Variants in ZNF280D observed in about 807,000 individuals in gnomAD.
ZNF280D encodes zinc finger protein 280D.
Under a neutral mutation model 94.7 loss-of-function variants are expected in ZNF280D, and 39 were observed. That is an observed-to-expected ratio of 0.41 (90% CI 0.32 to 0.54). The LOEUF (loss-of-function observed/expected upper bound fraction) is 0.54, where lower values mean the gene tolerates loss of function less well. ZNF280D is among the 20% of genes least tolerant of loss of function. The pLI is 0.22. For synonymous variants in ZNF280D, 398 were observed against 377.6 expected, an observed-to-expected ratio of 1.05 and a Z score of -0.63; for missense variants, 1,090 against 1,149.3, an observed-to-expected ratio of 0.95 and a Z score of 0.75.
At chr15:56,671,886 G>C (rs1411290233) in intron 13 of ZNF280D, among the ~76,000 whole-genome samples, 1 of 151,390 alleles carries the variant, frequency 6.6e-6, no homozygotes, top group Non-Finnish European at 1.5e-5. Context: ...TCACTGCAGA[G>C]ATCATTCACT....
At chr15:56,659,984 G>A (rs1259620010) in intron 16 of ZNF280D, among the ~76,000 whole-genome samples, 5 of 151,968 alleles carry the variant, frequency 3.3e-5, no homozygotes, top group Non-Finnish European at 5.9e-5. Flanking sequence ...GACTCTGTAT[G>A]TGTCACTAGC....
chr15:56,648,019 G>A (rs1351833336), intron 19 of ZNF280D, among the ~76,000 whole-genome samples: 1 of 152,120 alleles, frequency 6.6e-6, no homozygotes, highest in Non-Finnish European at 1.5e-5. Context: ...GAAAATCTGA[G>A]GCCTAAAAAT....
At chr15:56,724,540 GA>G (rs1332499361) in intron 1 of ZNF280D, among the ~76,000 whole-genome samples, 1 of 152,214 alleles carries the variant, frequency 6.6e-6, no homozygotes, top group Admixed American at 6.5e-5. Context: ...TGAAGTGAGG[GA>G]AAACCAAGGC....
intron 1 of ZNF280D, among the ~76,000 whole-genome samples, chr15:56,729,426 T>C (rs1040290727): frequency 1.3e-4 from 20 of 152,206 alleles, no homozygotes; most frequent in African/African-American, 4.3e-4. Context: ...ATATAATTCA[T>C]GATTCTTATT....
At chr15:56,725,922 T>C (rs562916053) in intron 1 of ZNF280D, among the ~76,000 whole-genome samples, 1 of 152,308 alleles carries the variant, frequency 6.6e-6, no homozygotes, top group South Asian at 2.1e-4. Context: ...TACTTTGTCT[T>C]CATCCTGTTA....
chr15:56,640,114 A>G (rs1265598620), intron 20 of ZNF280D, among the ~76,000 whole-genome samples: 1 of 152,156 alleles, frequency 6.6e-6, no homozygotes, highest in Admixed American at 6.5e-5. Context: ...GAAAAATAAC[A>G]TAAGGTACAG....
intron 6 of ZNF280D, among the ~76,000 whole-genome samples, chr15:56,695,475 C>T (rs993653757): frequency 1.3e-5 from 2 of 151,612 alleles, no homozygotes; most frequent in Admixed American, 6.6e-5. Flanking sequence ...CAATTATAAC[C>T]TGTATGTCTA....
chr15:56,649,426 C>T (rs751036058), intron 19 of ZNF280D, among the ~76,000 whole-genome samples: 9 of 152,118 alleles, frequency 5.9e-5, no homozygotes, highest in Non-Finnish European at 1.0e-4. Flanking sequence ...CTTGCAATTA[C>T]ATACCAGGAG....
At chr15:56,719,990 C>A (rs767923376) in intron 1 of ZNF280D, among the ~76,000 whole-genome samples, 4 of 150,006 alleles carry the variant, frequency 2.7e-5, no homozygotes, top group Non-Finnish European at 5.9e-5. Flanking sequence ...TGGCTGCTGA[C>A]TAATCAGGGT....
intron 13 of ZNF280D, among the ~76,000 whole-genome samples, chr15:56,669,900 A>T (rs1470856734): frequency 0.025 from 188 of 7,516 alleles, 31 homozygotes; most frequent in African/African-American, 0.088. Context: ...ATATATATAT[A>T]TAATATATAT....
chr15:56,706,984 G>GT, intron 3 of ZNF280D, 98 bp downstream of exon 3: 2 of 1,217,152 alleles, frequency 1.6e-6, no homozygotes, highest in South Asian at 1.3e-5. Flanking sequence ...AAGCATTTTT[G>GT]TTTTTTAAAA....
At chr15:56,701,947 T>G (rs1334974572) in intron 4 of ZNF280D, among the ~76,000 whole-genome samples, 1 of 151,250 alleles carries the variant, frequency 6.6e-6, no homozygotes, top group Non-Finnish European at 1.5e-5. Context: ...CTCTGTAACT[T>G]CTAGCTTATC....
At chr15:56,639,393 T>G (rs1193591437) in intron 20 of ZNF280D, among the ~76,000 whole-genome samples, 1 of 151,524 alleles carries the variant, frequency 6.6e-6, no homozygotes, top group Non-Finnish European at 1.5e-5. Context: ...AAGTGAGCAT[T>G]TACCACAGAA....
At chr15:56,634,015 T>C (rs2052223695) in intron 21 of ZNF280D, 1 of 152,116 alleles carries the variant, frequency 6.6e-6, no homozygotes, top group African/African-American at 2.4e-5. Flanking sequence ...CATTTCTCTC[T>C]CTATATATAG....
At position 56,678,878 on chromosome 15, in the gene ZNF280D, T is replaced by G. The variant is rs1317823390; in HGVS notation, c.1005-57A>C. On this transcript the variant is annotated intron_variant, in intron 10 of 21. Coordinates refer to ENST00000267807, the MANE Select transcript of ZNF280D (RefSeq NM_017661.4). ...GAGATTTAAAAACAAAAAGGAAATC[T>G]CACAAACAAGAATCTGAACCTAAAT... 1.4e-5 allele frequency: 20 copies of G among 1,413,310 alleles called. 1 individual carries two copies. In the South Asian group the frequency reaches 2.8e-4, roughly 19 times the overall value. 87.5% of individuals were successfully genotyped at this position (1,413,310 alleles called of 1,614,324 possible).
intron 21 of ZNF280D, among the ~76,000 whole-genome samples, chr15:56,634,380 C>A (rs562945165): frequency 5.9e-5 from 9 of 152,170 alleles, no homozygotes; most frequent in African/African-American, 1.9e-4. Flanking sequence ...TTAAATAATA[C>A]AGAGATGACC....
At chr15:56,690,357 G>A (rs55873250) in intron 7 of ZNF280D, among the ~76,000 whole-genome samples, 1 of 152,056 alleles carries the variant, frequency 6.6e-6, no homozygotes, top group Non-Finnish European at 1.5e-5. Flanking sequence ...ACTCCAGCCT[G>A]GGCAACAGAG....
Position 56,706,420 on chromosome 15 carries a change from A to G in ZNF280D, c.28+662T>C, listed in dbSNP as rs369645486. 2.3e-3 allele frequency among the ~76,000 whole-genome samples: 344 copies of G among 151,814 alleles called. 2 individuals carry two copies. Among genetic ancestry groups the G allele is most frequent in the African/African-American group, 8.0e-3 (331 of 41,436 alleles). On this transcript the variant is annotated intron_variant, in intron 3 of 21. Transcript: ENST00000267807. The stretch of plus-strand genomic sequence containing the variant: ...TTGAGCCCAGGAAGAGGAGGTTGCA[A>G]TGAGCCGAGGTCATGCCACTGCACT...
At position 56,675,689 on chromosome 15, in the gene ZNF280D, A is replaced by G. The variant is rs897798998; in HGVS notation, c.1410+981T>C. On this transcript the variant is annotated intron_variant, in intron 13 of 21. Transcript: ENST00000267807. Reference sequence around the variant, plus strand: ...GATCCCAAATTGATCTGGAAATTCTACTTTCATGATCTTCTCCAATTAAAA... The same window carrying G: ...GATCCCAAATTGATCTGGAAATTCTGCTTTCATGATCTTCTCCAATTAAAA... Among the ~76,000 whole-genome samples the G allele has an allele frequency of 4.6e-5, 7 of 152,118 alleles. No individual in the cohort carries two copies. In the East Asian group the frequency reaches 1.2e-3, roughly 25 times the overall value.
Sources: gnomAD v4.1 joint callset for allele counts (sites outside exome capture counted in the v4.1 genomes callset) on GRCh38, gnomAD v4.1.1 for gene constraint, MANE v1.5 for transcripts, NCBI Gene and HGNC (gene_info 2026-07-23, HGNC 2026-07-21) for gene names.